TMEM131: variants seen among roughly 807,000 people sequenced by gnomAD.
The protein encoded by TMEM131 is transmembrane protein 131.
Under a neutral mutation model 211.6 loss-of-function variants are expected in TMEM131, and 66 were observed. The ratio of observed to expected loss-of-function variants is 0.31; its 90% CI spans 0.26 to 0.38. The LOEUF is 0.38. Ranked by LOEUF, TMEM131 falls within the 10% of genes least tolerant of loss-of-function variation. TMEM131 has a pLI of 1.00. For missense variants in TMEM131, 2,036 were observed against 2,299.3 expected (o/e 0.89, Z 2.34); for synonymous variants, 844 against 841.3 (o/e 1.00, Z -0.06).
chr2:97,849,223 G>A (rs141909679), intron 5 of TMEM131, among the ~76,000 whole-genome samples: 1,548 of 152,188 alleles, frequency 0.01, 14 homozygotes, highest in South Asian at 0.024. Flanking sequence ...ATACAAACTG[G>A]AACAGTTGTT....
chr2:97,818,813 A>G (rs1273204034), intron 11 of TMEM131, 92 bp from the exon 12 acceptor site: 3 of 782,042 alleles, frequency 3.8e-6, no homozygotes, highest in Non-Finnish European at 6.0e-6. Context: ...CTGGAAAAGT[A>G]AAGTGGACTC....
chr2:97,943,007 GAAAGAAAAGAAAAGAAAAGA>G, intron 1 of TMEM131, among the ~76,000 whole-genome samples: 2 of 63,100 alleles, frequency 3.2e-5, no homozygotes, highest in East Asian at 4.5e-4. Context: ...AGAAAGAAAA[GAAAGAAAAGAAAAGAAAAGA>G]AAAGAAAAGA....
At chr2:97,924,754 G>A (rs568604678) in intron 2 of TMEM131, among the ~76,000 whole-genome samples, 19 of 152,326 alleles carry the variant, frequency 1.2e-4, no homozygotes, top group Admixed American at 8.5e-4. Context: ...GGCCAAGGGC[G>A]TGAACCTCTT....
At chr2:97,893,035 T>G (rs1675446742) in intron 3 of TMEM131, among the ~76,000 whole-genome samples, 1 of 152,188 alleles carries the variant, frequency 6.6e-6, no homozygotes, top group Non-Finnish European at 1.5e-5. Flanking sequence ...CTCCTAATGC[T>G]ATCCCTCCCC....
At chr2:97,971,608 TGACA>T (rs1422617207) in intron 1 of TMEM131, among the ~76,000 whole-genome samples, 1 of 152,232 alleles carries the variant, frequency 6.6e-6, no homozygotes, top group African/African-American at 2.4e-5. Flanking sequence ...ATGCTATGTA[TGACA>T]GACAGGCTAT....
chr2:97,946,563 C>T (rs1047002919), intron 1 of TMEM131, among the ~76,000 whole-genome samples: 1 of 151,840 alleles, frequency 6.6e-6, no homozygotes, highest in Admixed American at 6.6e-5. Context: ...CTTGAATAGG[C>T]TTATATGTAC....
At chr2:97,922,120 A>G (rs1676766674) in intron 2 of TMEM131, among the ~76,000 whole-genome samples, 4 of 152,196 alleles carry the variant, frequency 2.6e-5, no homozygotes, top group Admixed American at 2.6e-4. Context: ...TTCCACCTGA[A>G]ATCATCAGGC....
At chr2:97,950,989 C>A (rs1164238624) in intron 1 of TMEM131, among the ~76,000 whole-genome samples, 2 of 152,182 alleles carry the variant, frequency 1.3e-5, no homozygotes, top group African/African-American at 4.8e-5. Context: ...TCCTACAGAA[C>A]ACATGCACTG....
At chr2:97,906,945 G>C (rs1353122016) in intron 3 of TMEM131, among the ~76,000 whole-genome samples, 2 of 152,162 alleles carry the variant, frequency 1.3e-5, no homozygotes, top group African/African-American at 2.4e-5. Flanking sequence ...ATTATGTACT[G>C]ATGTCAATTC....
In TMEM131 at chr2:97,863,908, T is replaced by C. The variant is rs370063857; in HGVS notation, c.360-4481A>G. On this transcript the variant is annotated intron_variant, in intron 4 of 40. Coordinates refer to ENST00000186436, the MANE Select transcript of TMEM131 (RefSeq NM_015348.2). ...CAAAATAAAGGAAATCAGTATATTG[T>C]AGCGTTTTATGTACTCCCATGTTTA... 1.9e-4 allele frequency among the ~76,000 whole-genome samples: 29 copies of C among 152,316 alleles called. No homozygotes were observed. In the East Asian group the frequency reaches 3.5e-3, roughly 18 times the overall value.
At chr2:97,908,378 G>A (rs1329402587) in intron 3 of TMEM131, among the ~76,000 whole-genome samples, 1 of 152,144 alleles carries the variant, frequency 6.6e-6, no homozygotes, top group African/African-American at 2.4e-5. Context: ...AAGCCTCTAA[G>A]GAGTTACACA....
chr2:97,763,669 CT>C, intron 35 of TMEM131: 1 of 152,720 alleles, frequency 6.5e-6, no homozygotes, highest in South Asian at 2.1e-4. Flanking sequence ...CGCTCCGCCC[CT>C]GCAGTGACTC....
At chr2:97,938,293 G>A (rs1302268425) in intron 1 of TMEM131, among the ~76,000 whole-genome samples, 1 of 152,110 alleles carries the variant, frequency 6.6e-6, no homozygotes, top group African/African-American at 2.4e-5. Flanking sequence ...CATCTCACCT[G>A]CAGAGACACA....
intron 12 of TMEM131, 150 bp downstream of exon 12, chr2:97,818,463 C>CGCGG (rs1681941449): frequency 3.6e-6 from 1 of 281,326 alleles, no homozygotes; most frequent in Non-Finnish European, 6.3e-6. Flanking sequence ...TGGTTTACAG[C>CGCGG]GGGGGGGGGC....
At position 97,814,305 on chromosome 2, in the gene TMEM131, G is replaced by A. The variant is rs1316553963; in HGVS notation, c.1376C>T (p.Thr459Ile). The A allele has an allele frequency of 2.5e-6, 4 of 1,613,772 alleles. No individual in the cohort carries two copies. The highest frequency in any genetic ancestry group is 1.3e-5 in the African/African-American group (1 of 74,890). The change falls in exon 14 of 41, where the codon ACT (threonine) becomes ATT (isoleucine). Residue 459 changes from threonine (T) to isoleucine (I), a missense_variant. Around this residue, in one of 3 missense-constraint regions of TMEM131, gnomAD observed 1,623 missense variants for 1,805.9 expected, o/e 0.90. Coordinates refer to ENST00000186436, the MANE Select transcript of TMEM131 (RefSeq NM_015348.2). ...ADPVERPIYL[T>I]NTFSFAILIH... ...GAGGATCGCAAAACTGAAAGTGTTA[G>A]TAAGGTAAATTGGCCTTTCCACAGG...
chr2:97,938,749 T>C (rs1277744307), intron 1 of TMEM131, among the ~76,000 whole-genome samples: 1 of 152,208 alleles, frequency 6.6e-6, no homozygotes, highest in Admixed American at 6.5e-5. Flanking sequence ...CACATCGCAC[T>C]TATTCCAAAA....
intron 4 of TMEM131, among the ~76,000 whole-genome samples, chr2:97,875,735 T>C (rs1674666539): frequency 6.6e-6 from 1 of 152,138 alleles, no homozygotes; most frequent in Non-Finnish European, 1.5e-5. Flanking sequence ...GAGGGAAGTT[T>C]ACACCACTAA....
Position 97,792,500 on chromosome 2 carries a change from C to A in TMEM131, c.4030G>T (p.Asp1344Tyr). Residue 1344 changes from aspartate (D) to tyrosine (Y), a missense_variant, in exon 31 of 41, where the codon GAC becomes TAC. By Grantham distance (160) the Asp-to-Tyr change is radical (BLOSUM62 -3). Transcript: ENST00000186436. Reference protein sequence around the residue: ...RASSARHSSEDSDITSLIEAM... With the variant: ...RASSARHSSEYSDITSLIEAM... Reference sequence around the variant, plus strand: ...TCTATGAGACTGGTGATGTCCGAGTCCTCGGAACTGTGCCTCGCGCTGCTG... The same window carrying A: ...TCTATGAGACTGGTGATGTCCGAGTACTCGGAACTGTGCCTCGCGCTGCTG... The A allele has an allele frequency of 6.2e-7, 1 of 1,613,562 alleles. No individual in the cohort carries two copies.
At chr2:97,827,806 T>G (rs548343451) in intron 11 of TMEM131, among the ~76,000 whole-genome samples, 1 of 152,220 alleles carries the variant, frequency 6.6e-6, no homozygotes, top group African/African-American at 2.4e-5. Context: ...AGGCTCTGAT[T>G]GTCTCGGGTG....
Sources: allele counts gnomAD v4.1 joint callset (sites outside exome capture counted in the v4.1 genomes callset), GRCh38; gene constraint gnomAD v4.1.1; regional missense constraint gnomAD v4.1.1; transcripts MANE v1.5; gene names NCBI Gene and HGNC (gene_info 2026-07-23, HGNC 2026-07-21).